Variants in CLDN10 observed in about 807,000 individuals in gnomAD.
CLDN10 encodes claudin-10.
A neutral mutation model predicts 22.9 loss-of-function variants in CLDN10; 15 were observed. The observed-to-expected ratio is 0.65, with a 90% CI of 0.44 to 1.01. CLDN10 has a LOEUF of 1.01. CLDN10 is among the 50% of genes least tolerant of loss of function. The pLI is 0.00. For synonymous variants in CLDN10, 114 were observed against 111.4 expected, an observed-to-expected ratio of 1.02 and a Z score of -0.15; for missense variants, 247 against 287.8, an observed-to-expected ratio of 0.86 and a Z score of 1.03.
chr13:95,434,455 C>CTA (rs1273659549), intron 1 of CLDN10, among the ~76,000 whole-genome samples: 9 of 125,094 alleles, frequency 7.2e-5, no homozygotes, highest in East Asian at 2.6e-4. Flanking sequence ...GTCTCTCTCT[C>CTA]TCTATATATA....
At position 95,579,205 on chromosome 13, in the gene CLDN10, G is replaced by A. The variant is rs1173448954; in HGVS notation, c.*1191G>A. On this transcript the variant is annotated 3_prime_UTR_variant, in exon 5 of 5. Coordinates refer to ENST00000299339, the MANE Select transcript of CLDN10 (RefSeq NM_006984.5). Reference sequence around the variant, plus strand: ...GCCTCACTCAGAACTGACGGGCCGAGTTCTATCTAGGTGTGTCTTCCAGAA... The same window carrying A: ...GCCTCACTCAGAACTGACGGGCCGAATTCTATCTAGGTGTGTCTTCCAGAA... 6.6e-6 allele frequency: 1 copy of A among 152,200 alleles called. No homozygotes were observed. Among genetic ancestry groups the A allele is most frequent in the Non-Finnish European group, 1.5e-5 (1 of 68,032 alleles). 9.4% of individuals were successfully genotyped at this position (152,200 alleles called of 1,614,324 possible).
intron 1 of CLDN10, among the ~76,000 whole-genome samples, chr13:95,505,587 T>A (rs1483546269): frequency 6.6e-6 from 1 of 152,126 alleles, no homozygotes; most frequent in African/African-American, 2.4e-5. Context: ...GTGAAGCAAA[T>A]ACAACTCAAA....
intron 1 of CLDN10, among the ~76,000 whole-genome samples, chr13:95,544,986 C>T (rs962516353): frequency 6.6e-6 from 1 of 151,660 alleles, no homozygotes; most frequent in East Asian, 2.0e-4. Context: ...CCGTGTTGGC[C>T]AAGCTGGTCT....
intron 1 of CLDN10, among the ~76,000 whole-genome samples, chr13:95,509,614 C>T (rs941467403): frequency 3.9e-5 from 6 of 152,050 alleles, no homozygotes; most frequent in African/African-American, 7.2e-5. Flanking sequence ...GGTGTCAGAC[C>T]GAATATAAGC....
chr13:95,487,854 T>G (rs548054311), intron 1 of CLDN10, among the ~76,000 whole-genome samples: 1 of 151,992 alleles, frequency 6.6e-6, no homozygotes, highest in Non-Finnish European at 1.5e-5. Context: ...TTAAAAAATT[T>G]TTTTGTAGAG....
At chr13:95,455,106 G>T (rs368665692) in intron 1 of CLDN10, among the ~76,000 whole-genome samples, 1 of 151,870 alleles carries the variant, frequency 6.6e-6, no homozygotes. Flanking sequence ...AAGCCCAGGG[G>T]TTAGAGGCTG....
chr13:95,512,137 T>TTTTTTTTG (rs2043109560), intron 1 of CLDN10, among the ~76,000 whole-genome samples: 1 of 120,886 alleles, frequency 8.3e-6, no homozygotes, highest in Non-Finnish European at 1.8e-5. Context: ...TTTTGGTTTT[T>TTTTTTTTG]GTTTGTTTGT....
chr13:95,488,299 C>T, intron 1 of CLDN10, among the ~76,000 whole-genome samples: 1 of 151,470 alleles, frequency 6.6e-6, no homozygotes, highest in Non-Finnish European at 1.5e-5. Flanking sequence ...ACCTCGGCCT[C>T]CCAATGTAAT....
At chr13:95,497,059 C>T (rs1179126821) in intron 1 of CLDN10, 1 of 151,910 alleles carries the variant, frequency 6.6e-6, no homozygotes, top group Non-Finnish European at 1.5e-5. Flanking sequence ...TAGTACCTAC[C>T]TCATAGAGTT....
At chr13:95,505,042 C>G (rs2043024068) in intron 1 of CLDN10, among the ~76,000 whole-genome samples, 1 of 152,170 alleles carries the variant, frequency 6.6e-6, no homozygotes, top group Non-Finnish European at 1.5e-5. Flanking sequence ...AGGGTAATAG[C>G]CAAAATTCAC....
intron 1 of CLDN10, among the ~76,000 whole-genome samples, chr13:95,526,819 T>TAAAC (rs1233292461): frequency 2.1e-5 from 3 of 141,634 alleles, no homozygotes; most frequent in African/African-American, 7.9e-5. Flanking sequence ...AATAAATAAA[T>TAAAC]AAACATGGCG....
At chr13:95,574,747 G>A (rs2043903033) in intron 3 of CLDN10, among the ~76,000 whole-genome samples, 3 of 152,242 alleles carry the variant, frequency 2.0e-5, no homozygotes, top group South Asian at 4.1e-4. Context: ...TCCAGCCTGG[G>A]TGACACAGTG....
chr13:95,508,374 G>A (rs1011441137), intron 1 of CLDN10, among the ~76,000 whole-genome samples: 1 of 152,106 alleles, frequency 6.6e-6, no homozygotes, highest in African/African-American at 2.4e-5. Context: ...TTACATTTTA[G>A]AGTCACAGAA....
chr13:95,509,703 C>A (rs904175143), intron 1 of CLDN10, among the ~76,000 whole-genome samples: 1 of 152,176 alleles, frequency 6.6e-6, no homozygotes, highest in African/African-American at 2.4e-5. Context: ...TGATTCCAGT[C>A]CCCTCTGGAC....
intron 1 of CLDN10, among the ~76,000 whole-genome samples, chr13:95,475,914 C>A (rs2042682262): frequency 1.3e-5 from 2 of 152,064 alleles, no homozygotes; most frequent in Admixed American, 6.6e-5. Flanking sequence ...AGCACCATGG[C>A]TCTGCTGTGA....
At chr13:95,459,690 A>C (rs1488182347) in intron 1 of CLDN10, among the ~76,000 whole-genome samples, 1 of 152,206 alleles carries the variant, frequency 6.6e-6, no homozygotes, top group African/African-American at 2.4e-5. Context: ...TGGAAGGGGC[A>C]GCCATGAAGA....
chr13:95,480,253 A>G (rs1035159890), intron 1 of CLDN10, among the ~76,000 whole-genome samples: 3 of 152,218 alleles, frequency 2.0e-5, no homozygotes, highest in Non-Finnish European at 1.5e-5. Context: ...TGTAGGAGCT[A>G]TAATTCAAAA....
chr13:95,569,859 C>G lies in CLDN10; in HGVS notation c.465-7372C>G, dbSNP rs112562818. Among the ~76,000 whole-genome samples, 9 of 150,466 alleles carry G rather than the reference C, an allele frequency of 6.0e-5. No homozygotes were observed. In the East Asian group the frequency reaches 1.8e-3, roughly 30 times the overall value. On this transcript the variant is annotated intron_variant, in intron 3 of 4. Coordinates refer to ENST00000299339, the MANE Select transcript of CLDN10 (RefSeq NM_006984.5). ...TCTCGGCTCACTGCAAGCACCGCCT[C>G]CTGGGTTCACGCCATTCTCCTGCCT... is the stretch of plus-strand genomic sequence containing the variant.
chr13:95,548,283 C>A (rs540997205), upstream of CLDN10, among the ~76,000 whole-genome samples: 1 of 152,176 alleles, frequency 6.6e-6, no homozygotes. Flanking sequence ...TTACCCCTCC[C>A]CTTCAGGGGC....
Sources: gnomAD v4.1 joint callset for allele counts (sites outside exome capture counted in the v4.1 genomes callset) on GRCh38, gnomAD v4.1.1 for gene constraint, MANE v1.5 for transcripts, NCBI Gene and HGNC (gene_info 2026-07-23, HGNC 2026-07-21) for gene names.